Variants in DNAAF11 observed in about 807,000 individuals in gnomAD.
DNAAF11 encodes the protein leucine rich repeat containing 6.
Under a neutral mutation model 60.8 loss-of-function variants are expected in DNAAF11, and 45 were observed. The ratio of observed to expected loss-of-function variants is 0.74; its 90% CI spans 0.58 to 0.95. The LOEUF is 0.95. DNAAF11 is among the 40% of genes least tolerant of loss of function. The probability of loss-of-function intolerance (pLI) is 0.00; values close to 1 mark genes in which losing one functional copy is unlikely to be tolerated. For missense variants in DNAAF11, 546 were observed against 546.2 expected, an observed-to-expected ratio of 1.00 and a Z score of 0.00; for synonymous variants, 191 against 183.5, an observed-to-expected ratio of 1.04 and a Z score of -0.33.
chr8:132,652,049 A>G (rs1384623791), intron 3 of DNAAF11, among the ~76,000 whole-genome samples: 1 of 152,214 alleles, frequency 6.6e-6, no homozygotes, highest in Non-Finnish European at 1.5e-5. Flanking sequence ...TGGAATATCC[A>G]TTTTTACCCT....
intron 8 of DNAAF11, among the ~76,000 whole-genome samples, chr8:132,613,814 T>A (rs971193153): frequency 1.3e-5 from 2 of 152,162 alleles, no homozygotes; most frequent in Non-Finnish European, 2.9e-5. Context: ...TGGGTAATAA[T>A]CCCTCCAACC....
At chr8:132,612,124 A>C (rs1231650009) in intron 8 of DNAAF11, among the ~76,000 whole-genome samples, 1 of 152,128 alleles carries the variant, frequency 6.6e-6, no homozygotes, top group Non-Finnish European at 1.5e-5. Context: ...AACTGGCTCC[A>C]TGCCTTCCTG....
intron 10 of DNAAF11, among the ~76,000 whole-genome samples, chr8:132,600,311 T>G (rs565698379): frequency 8.7e-4 from 132 of 152,270 alleles, no homozygotes; most frequent in Non-Finnish European, 1.3e-3. Flanking sequence ...TGCTCATGGA[T>G]AGGAAGAATC....
At chr8:132,608,486 G>T in intron 10 of DNAAF11, 1 of 451,870 alleles carries the variant, frequency 2.2e-6, no homozygotes, top group South Asian at 1.6e-5. Context: ...AAGGGGAAAA[G>T]AATGCTGCAG....
At chr8:132,655,436 C>T (rs1243756556) in intron 3 of DNAAF11, among the ~76,000 whole-genome samples, 1 of 152,020 alleles carries the variant, frequency 6.6e-6, no homozygotes, top group Non-Finnish European at 1.5e-5. Flanking sequence ...AAACCAAAGA[C>T]ACCTATAGGG....
chr8:132,653,140 T>C (rs867976101), intron 3 of DNAAF11, among the ~76,000 whole-genome samples: 21 of 152,038 alleles, frequency 1.4e-4, no homozygotes, highest in African/African-American at 5.1e-4. Context: ...TAAAATCCAA[T>C]TGAAAGAAGT....
chr8:132,653,529 C>A (rs1003382132), intron 3 of DNAAF11, among the ~76,000 whole-genome samples: 2 of 151,926 alleles, frequency 1.3e-5, no homozygotes, highest in African/African-American at 4.8e-5. Flanking sequence ...ATTTTCTTCT[C>A]CTAAATTATT....
At chr8:132,635,145 T>G (rs2130495506) in intron 4 of DNAAF11, among the ~76,000 whole-genome samples, 1 of 152,318 alleles carries the variant, frequency 6.6e-6, no homozygotes, top group East Asian at 1.9e-4. Flanking sequence ...TTTAGTGATT[T>G]CTGTTAGTCT....
intron 8 of DNAAF11, among the ~76,000 whole-genome samples, chr8:132,612,984 T>A (rs1016446107): frequency 1.5e-4 from 23 of 152,132 alleles, no homozygotes; most frequent in Non-Finnish European, 2.6e-4. Context: ...TATACATTCA[T>A]TAAACACCAG....
chr8:132,623,186 C>T (rs1483550931), intron 6 of DNAAF11, among the ~76,000 whole-genome samples: 4 of 151,964 alleles, frequency 2.6e-5, no homozygotes, highest in African/African-American at 7.3e-5. Context: ...AGTAGCAAAC[C>T]CCTGGAACTG....
chr8:132,632,507 A>G (rs867483000), intron 5 of DNAAF11, among the ~76,000 whole-genome samples: 1 of 152,236 alleles, frequency 6.6e-6, no homozygotes, highest in Admixed American at 6.5e-5. Context: ...GAATAATTTT[A>G]GATGCAAATT....
intron 10 of DNAAF11, among the ~76,000 whole-genome samples, chr8:132,601,056 A>T (rs1390641691): frequency 6.6e-6 from 1 of 152,184 alleles, no homozygotes; most frequent in African/African-American, 2.4e-5. Context: ...GAATCTACAA[A>T]GAACTCAAAC....
At chr8:132,648,538 G>A (rs1822642190) in intron 3 of DNAAF11, among the ~76,000 whole-genome samples, 1 of 152,060 alleles carries the variant, frequency 6.6e-6, no homozygotes, top group Non-Finnish European at 1.5e-5. Flanking sequence ...AGAAATAAAG[G>A]GTATTCAATT....
In DNAAF11 at chr8:132,671,202, T is replaced by C. The variant is rs574479212; in HGVS notation, c.10+4282A>G. Among the ~76,000 whole-genome samples, 4 of 152,192 alleles carry C rather than the reference T, an allele frequency of 2.6e-5. No individual in the cohort carries two copies. In the South Asian group the frequency reaches 8.3e-4, roughly 32 times the overall value. On this transcript the variant is annotated intron_variant, in intron 1 of 11. Coordinates refer to ENST00000620350, the MANE Select transcript of DNAAF11 (RefSeq NM_012472.6). ...AAATGGAATTCATATAAAAAGCTAA[T>C]TGAATAAGAAAGTTTGAAAAGATTG...
At chr8:132,659,284 A>G (rs1823893497) in intron 2 of DNAAF11, among the ~76,000 whole-genome samples, 1 of 152,214 alleles carries the variant, frequency 6.6e-6, no homozygotes, top group Non-Finnish European at 1.5e-5. Flanking sequence ...ATGGCACAAG[A>G]GCAAGTCTGA....
At chr8:132,690,095 A>G in the DNAAF11 span, among the ~76,000 whole-genome samples, 1 of 152,142 alleles carries the variant, frequency 6.6e-6, no homozygotes, top group African/African-American at 2.4e-5. Context: ...TAATTTTTAG[A>G]TTTTCAGTTT....
chr8:132,674,169 G>GAGGAGGAGGAGA (rs1563726316), intron 1 of DNAAF11, among the ~76,000 whole-genome samples: 3 of 139,462 alleles, frequency 2.2e-5, no homozygotes, highest in Admixed American at 7.1e-5. Flanking sequence ...GAAGGAGAAG[G>GAGGAGGAGGAGA]AGGAGGAGGA....
intron 3 of DNAAF11, among the ~76,000 whole-genome samples, chr8:132,651,689 A>C (rs879651713): frequency 9.2e-5 from 14 of 152,214 alleles, no homozygotes; most frequent in Non-Finnish European, 1.8e-4. Flanking sequence ...ATACGGTGTA[A>C]GAATACTTAC....
At chr8:132,667,289 C>T (rs1302676498) in intron 1 of DNAAF11, among the ~76,000 whole-genome samples, 1 of 152,134 alleles carries the variant, frequency 6.6e-6, no homozygotes, top group Non-Finnish European at 1.5e-5. Flanking sequence ...CATCTGTAAA[C>T]TGGAGATAAT....
Sources: allele counts gnomAD v4.1 joint callset (sites outside exome capture counted in the v4.1 genomes callset), GRCh38; gene constraint gnomAD v4.1.1; transcripts MANE v1.5; gene names NCBI Gene and HGNC (gene_info 2026-07-23, HGNC 2026-07-21).